The following PARD3 variants were observed in gnomAD, a reference collection of about 807,000 sequenced individuals.
PARD3 encodes the protein par-3 family cell polarity regulator.
In PARD3, 75 loss-of-function variants were observed where a neutral mutation model predicts 155.4. The ratio of observed to expected loss-of-function variants is 0.48; its 90% CI spans 0.40 to 0.58. The LOEUF is 0.58. Among genes scored for constraint, PARD3 ranks in the 20% least tolerant of loss-of-function variants. The pLI, the probability that PARD3 is intolerant of heterozygous loss-of-function variation, is 0.00. For synonymous variants in PARD3, 576 were observed against 610.5 expected, an observed-to-expected ratio of 0.94 and a Z score of 0.83; for missense variants, 1,642 against 1,721.7, an observed-to-expected ratio of 0.95 and a Z score of 0.82.
chr10:34,430,676 A>G (rs965835991), intron 5 of PARD3, among the ~76,000 whole-genome samples: 3 of 152,228 alleles, frequency 2.0e-5, no homozygotes, highest in African/African-American at 7.2e-5. Flanking sequence ...ACTAAAAGAA[A>G]CAGAAATTTT....
At chr10:34,522,314 T>C (rs571164831) in intron 2 of PARD3, among the ~76,000 whole-genome samples, 3 of 152,198 alleles carry the variant, frequency 2.0e-5, no homozygotes, top group East Asian at 1.9e-4. Context: ...AGGATATAGA[T>C]TCTCCCCTAG....
chr10:34,211,618 A>G (rs182794638), intron 22 of PARD3, among the ~76,000 whole-genome samples: 51 of 152,152 alleles, frequency 3.4e-4, no homozygotes, highest in East Asian at 1.2e-3. Context: ...CTCGTCTTCT[A>G]AAAATACAAA....
In PARD3 at chr10:34,814,995, T is replaced by TGCC. The variant is rs747649647; in HGVS notation, c.-3_-1dup. The stretch of plus-strand genomic sequence containing the variant: ...CGTCCGAAGCACACGGTCACTTTCA[T>TGCC]GCCGCCGCCGCCGCGGGCGGGCCCG... On this transcript the variant is annotated 5_prime_UTR_variant, in exon 1 of 25. Coordinates refer to ENST00000374788, the MANE Select transcript of PARD3 (RefSeq NM_001184785.2). 36 of 1,485,862 alleles carry TGCC rather than the reference T, an allele frequency of 2.4e-5. No homozygotes were observed. Among genetic ancestry groups the TGCC allele is most frequent in the East Asian group, 5.7e-5 (2 of 34,808 alleles). The allele number at this position is 1,485,862 out of a possible 1,614,324, so 92.0% of individuals were successfully genotyped here. A position where few individuals can be genotyped will look rare whatever the true frequency, so the allele number is the denominator to read the frequency against.
chr10:34,356,745 A>T (rs2134463756), intron 14 of PARD3, among the ~76,000 whole-genome samples: 1 of 152,344 alleles, frequency 6.6e-6, no homozygotes, highest in Non-Finnish European at 1.5e-5. Context: ...ACAACAGCTG[A>T]AAAATCATGT....
intron 22 of PARD3, among the ~76,000 whole-genome samples, chr10:34,149,055 T>C (rs1004187199): frequency 1.3e-5 from 2 of 152,168 alleles, no homozygotes. Context: ...ATAATAAGTA[T>C]CTTGATATCA....
chr10:34,644,010 T>A (rs1388853080), intron 2 of PARD3, among the ~76,000 whole-genome samples: 1 of 152,218 alleles, frequency 6.6e-6, no homozygotes, highest in Non-Finnish European at 1.5e-5. Flanking sequence ...TGCACACATG[T>A]GTATGCGTGT....
At position 34,545,711 on chromosome 10, in the gene PARD3, C is replaced by T. The variant is rs532656573; in HGVS notation, c.223-28552G>A. 2.2e-4 allele frequency among the ~76,000 whole-genome samples: 33 copies of T among 152,212 alleles called. No homozygotes were observed. The South Asian group carries it at 5.2e-3, about 24-fold the overall frequency. ...CTGGGATTACAGGTACCTGCCACGA[C>T]GCCCGGCTAATTTTTTTTGTATTTT... On this transcript the variant is annotated intron_variant, in intron 2 of 24. Transcript: ENST00000374788.
chr10:34,299,440 G>A (rs1957050929), intron 20 of PARD3, among the ~76,000 whole-genome samples: 2 of 152,196 alleles, frequency 1.3e-5, no homozygotes, highest in African/African-American at 4.8e-5. Flanking sequence ...TCTCTAATCA[G>A]ACGGCTGTCC....
chr10:34,559,966 G>C (rs2085329069), intron 2 of PARD3, among the ~76,000 whole-genome samples: 1 of 152,148 alleles, frequency 6.6e-6, no homozygotes. Context: ...AGAAGCTTGA[G>C]AGTTCTTTTT....
intron 5 of PARD3, among the ~76,000 whole-genome samples, chr10:34,432,844 A>C (rs140202923): frequency 6.6e-6 from 1 of 152,220 alleles, no homozygotes; most frequent in Non-Finnish European, 1.5e-5. Context: ...ACCAAGGAAG[A>C]GCATGTAAAA....
At chr10:34,442,712 A>AT (rs1436488734) in intron 5 of PARD3, among the ~76,000 whole-genome samples, 2 of 152,030 alleles carry the variant, frequency 1.3e-5, no homozygotes, top group Non-Finnish European at 2.9e-5. Flanking sequence ...GTACAAAAAA[A>AT]TTTTTTTAAT....
In PARD3 at chr10:34,362,303, C is replaced by CA. The variant is rs542403500; in HGVS notation, c.1708-2045dup. Among the ~76,000 whole-genome samples the CA allele has an allele frequency of 1.9e-3, 284 of 151,782 alleles. 1 individual carries two copies. The highest frequency in any genetic ancestry group is 3.4e-3 in the Non-Finnish European group (230 of 67,922). On this transcript the variant is annotated intron_variant, in intron 12 of 24. Transcript: ENST00000374788. ...GACAGAGCAAGACTCTGTCCCATAACAAAAAATAAAATAAAATAAAATATT... is the reference window on the plus strand; with the variant it reads ...GACAGAGCAAGACTCTGTCCCATAACAAAAAAATAAAATAAAATAAAATATT...
intron 1 of PARD3, among the ~76,000 whole-genome samples, chr10:34,734,937 T>C (rs146833469): frequency 6.6e-6 from 1 of 150,386 alleles, no homozygotes; most frequent in African/African-American, 2.4e-5. Flanking sequence ...ACAGAAAATA[T>C]ATTTTCAATG....
chr10:34,452,626 C>T (rs2077119984), intron 4 of PARD3, among the ~76,000 whole-genome samples: 2 of 152,108 alleles, frequency 1.3e-5, no homozygotes, highest in Admixed American at 6.6e-5. Context: ...TTTCCTCTTC[C>T]CGTAAATGGT....
chr10:34,343,866 T>C, intron 15 of PARD3: 1 of 983,132 alleles, frequency 1.0e-6, no homozygotes, highest in Non-Finnish European at 1.2e-6. Context: ...AACAATGAAA[T>C]ACAAAATGTT....
intron 22 of PARD3, among the ~76,000 whole-genome samples, chr10:34,251,566 G>T (rs1954308816): frequency 6.6e-6 from 1 of 152,174 alleles, no homozygotes; most frequent in South Asian, 2.1e-4. Context: ...TGGCTTCAGA[G>T]CCTGTGCTCT....
intron 1 of PARD3, among the ~76,000 whole-genome samples, chr10:34,719,421 C>T (rs958016939): frequency 6.6e-6 from 1 of 152,154 alleles, no homozygotes; most frequent in Admixed American, 6.6e-5. Flanking sequence ...CTCATCCCTC[C>T]AATCTTGTTT....
At chr10:34,662,470 A>T (rs2093347783) in intron 2 of PARD3, among the ~76,000 whole-genome samples, 1 of 152,244 alleles carries the variant, frequency 6.6e-6, no homozygotes, top group Admixed American at 6.5e-5. Context: ...TCATTGCAGC[A>T]CTATTCACAA....
chr10:34,213,004 A>G (rs1266579621), intron 22 of PARD3, among the ~76,000 whole-genome samples: 1 of 152,144 alleles, frequency 6.6e-6, no homozygotes, highest in Non-Finnish European at 1.5e-5. Flanking sequence ...TCTCCACACT[A>G]TCTTAGGCCT....
Sources: gnomAD v4.1 joint callset for allele counts (sites outside exome capture counted in the v4.1 genomes callset) on GRCh38, gnomAD v4.1.1 for gene constraint, MANE v1.5 for transcripts, NCBI Gene and HGNC (gene_info 2026-07-23, HGNC 2026-07-21) for gene names.